The following CIB4 variants were observed in gnomAD, a reference collection of about 807,000 sequenced individuals.
CIB4 encodes the protein calcium and integrin-binding family member 4.
CIB4 carries 25 observed loss-of-function variants against 25.8 expected under a neutral mutation model. The observed-to-expected ratio is 0.97, with a 90% confidence interval of 0.71 to 1.35. The LOEUF (loss-of-function observed/expected upper bound fraction) is 1.35, where lower values mean the gene tolerates loss of function less well. CIB4 is among the 40% of genes most tolerant of loss of function. The pLI, the probability that CIB4 is intolerant of heterozygous loss-of-function variation, is 0.00. For missense variants in CIB4, 235 were observed against 228.2 expected (o/e 1.03, Z -0.19); for synonymous variants, 75 against 81.4 (o/e 0.92, Z 0.42).
chr2:26,625,790 T>A (rs1380989362), intron 3 of CIB4, among the ~76,000 whole-genome samples: 1 of 152,278 alleles, frequency 6.6e-6, no homozygotes, highest in Non-Finnish European at 1.5e-5. Flanking sequence ...TTTGGCAATT[T>A]CATCATGAAA....
chr2:26,617,145 T>TGTGTGTGTGTGTGTGTGC lies in CIB4; in HGVS notation c.186+12264_186+12265insGCACACACACACACACAC, dbSNP rs1381689008. On this transcript the variant is annotated intron_variant, in intron 3 of 6. Coordinates refer to ENST00000288861, the MANE Select transcript of CIB4 (RefSeq NM_001029881.3). ...ATGTGTGTGTGTGTGTGTGTGTGTG[T>TGTGTGTGTGTGTGTGTGC]GTGCACGTGAGCGTGGGTGGGCATG... is the stretch of plus-strand genomic sequence containing the variant. 4.9e-3 allele frequency among the ~76,000 whole-genome samples: 678 copies of TGTGTGTGTGTGTGTGTGC among 139,114 alleles called. 9 individuals are homozygous for TGTGTGTGTGTGTGTGTGC. The highest frequency in any genetic ancestry group is 0.013 in the African/African-American group (518 of 39,270). The allele number at this position is 139,114 out of a possible 152,430, so 91.3% of individuals were successfully genotyped here. A position where few individuals can be genotyped will look rare whatever the true frequency, so the allele number is the denominator to read the frequency against.
chr2:26,596,580 C>T (rs1409308034), intron 3 of CIB4, among the ~76,000 whole-genome samples: 2 of 151,990 alleles, frequency 1.3e-5, no homozygotes, highest in African/African-American at 4.8e-5. Context: ...CCCGTCTCTA[C>T]TAACAATACA....
intron 3 of CIB4, among the ~76,000 whole-genome samples, chr2:26,598,489 G>A (rs1017068357): frequency 1.3e-5 from 2 of 152,148 alleles, no homozygotes; most frequent in African/African-American, 2.4e-5. Flanking sequence ...GAGCTGACAC[G>A]GAGCAACTGG....
At chr2:26,593,306 A>G (rs998564704) in intron 4 of CIB4, among the ~76,000 whole-genome samples, 3 of 147,514 alleles carry the variant, frequency 2.0e-5, no homozygotes, top group South Asian at 2.1e-4. Context: ...ATGTAGAGAT[A>G]TGTGTGTGTG....
chr2:26,595,895 GCGCACACACACACACACACA>G (rs768670202), intron 3 of CIB4, among the ~76,000 whole-genome samples: 1 of 148,420 alleles, frequency 6.7e-6, no homozygotes, highest in Admixed American at 6.6e-5. Flanking sequence ...ACTTATCTGC[GCGCACACACACACACACACA>G]CACACACACA....
intron 3 of CIB4, among the ~76,000 whole-genome samples, chr2:26,622,483 G>A (rs1669225293): frequency 6.6e-6 from 1 of 152,162 alleles, no homozygotes; most frequent in Non-Finnish European, 1.5e-5. Flanking sequence ...GGGTGTTGGG[G>A]AGGGGAAGAG....
intron 3 of CIB4, among the ~76,000 whole-genome samples, chr2:26,600,654 G>A (rs1668764535): frequency 6.6e-6 from 1 of 152,174 alleles, no homozygotes; most frequent in Non-Finnish European, 1.5e-5. Flanking sequence ...TAGGTGAGCA[G>A]AGCCCATGTC....
At chr2:26,589,352 A>C (rs1035514986) in intron 4 of CIB4, among the ~76,000 whole-genome samples, 4 of 148,074 alleles carry the variant, frequency 2.7e-5, no homozygotes, top group Non-Finnish European at 4.5e-5. Context: ...ACAGAGTCTC[A>C]CTCTTCTTCC....
At chr2:26,601,249 T>C (rs868767762) in intron 3 of CIB4, among the ~76,000 whole-genome samples, 1 of 135,140 alleles carries the variant, frequency 7.4e-6, no homozygotes, top group African/African-American at 3.0e-5. Context: ...TATATATATA[T>C]ATATATATAT....
In CIB4 at chr2:26,588,982, TTCTTC is replaced by T. The variant is rs1282702344; in HGVS notation, c.329-5089_329-5085del. Among the ~76,000 whole-genome samples the T allele has an allele frequency of 3.6e-3, 82 of 22,618 alleles. 7 individuals are homozygous for T. The highest frequency in any genetic ancestry group is 9.6e-3 in the African/African-American group (75 of 7,804). 14.8% of individuals were successfully genotyped at this position (22,618 alleles called of 152,430 possible). ...TGCCGCTGCTGCCGCTTCTTCTTTC[TTCTTC>T]TTCTTCTTCTTCTTCTTCTTCTTCT... On this transcript the variant is annotated intron_variant, in intron 4 of 6. Transcript: ENST00000288861.
chr2:26,623,065 T>C (rs1326263581), intron 3 of CIB4, among the ~76,000 whole-genome samples: 1 of 151,742 alleles, frequency 6.6e-6, no homozygotes, highest in Non-Finnish European at 1.5e-5. Context: ...AAATTAAGGC[T>C]AGGTATGGTG....
At chr2:26,611,186 G>T (rs187392150) in intron 3 of CIB4, among the ~76,000 whole-genome samples, 1 of 152,346 alleles carries the variant, frequency 6.6e-6, no homozygotes, top group East Asian at 1.9e-4. Flanking sequence ...GAGACTTGGG[G>T]CTAGGATCCA....
intron 2 of CIB4, among the ~76,000 whole-genome samples, chr2:26,632,035 C>A (rs182655918): frequency 9.0e-4 from 137 of 152,176 alleles, no homozygotes; most frequent in African/African-American, 3.1e-3. Flanking sequence ...TGCTTCCCGC[C>A]GGGTTGCTCA....
chr2:26,596,614 G>T (rs571231907), intron 3 of CIB4, among the ~76,000 whole-genome samples: 1 of 151,978 alleles, frequency 6.6e-6, no homozygotes, highest in Non-Finnish European at 1.5e-5. Context: ...GGGCGTGGTC[G>T]CGCATGCCTG....
chr2:26,605,831 C>A (rs1668878846), intron 3 of CIB4, among the ~76,000 whole-genome samples: 1 of 152,162 alleles, frequency 6.6e-6, no homozygotes, highest in African/African-American at 2.4e-5. Context: ...AAGCAACTAG[C>A]CAAACGAAGG....
At chr2:26,592,278 C>T (rs1466746094) in intron 4 of CIB4, among the ~76,000 whole-genome samples, 1 of 152,242 alleles carries the variant, frequency 6.6e-6, no homozygotes, top group African/African-American at 2.4e-5. Context: ...GCCAGCACGG[C>T]TGCCACCTGT....
chr2:26,610,499 T>C (rs894073268), intron 3 of CIB4, among the ~76,000 whole-genome samples: 1 of 152,232 alleles, frequency 6.6e-6, no homozygotes, highest in Non-Finnish European at 1.5e-5. Context: ...AACCCCCAGC[T>C]TTCTGTTCTT....
At chr2:26,582,403 A>T (rs915635303) in intron 6 of CIB4, among the ~76,000 whole-genome samples, 6 of 152,052 alleles carry the variant, frequency 3.9e-5, no homozygotes, top group African/African-American at 1.5e-4. Flanking sequence ...TAAGAAATAG[A>T]ATTGGGTGCT....
chr2:26,622,084 G>A (rs1421211172), intron 3 of CIB4, among the ~76,000 whole-genome samples: 1 of 152,212 alleles, frequency 6.6e-6, no homozygotes, highest in Non-Finnish European at 1.5e-5. Context: ...ATTGAGGCCA[G>A]GCATGGTGGC....
Sources: allele counts gnomAD v4.1 joint callset (sites outside exome capture counted in the v4.1 genomes callset), GRCh38; gene constraint gnomAD v4.1.1; transcripts MANE v1.5; gene names NCBI Gene and HGNC (gene_info 2026-07-23, HGNC 2026-07-21).